Variants in PIP4K2A observed in about 807,000 individuals in gnomAD.
PIP4K2A encodes phosphatidylinositol 5-phosphate 4-kinase type-2 alpha.
Under a neutral mutation model 42.9 loss-of-function variants are expected in PIP4K2A, and 14 were observed. That is an observed-to-expected ratio of 0.33 (90% confidence interval 0.22 to 0.51). The LOEUF is 0.51. Among genes scored for constraint, PIP4K2A ranks in the 20% least tolerant of loss-of-function variants. The probability of loss-of-function intolerance (pLI) is 0.97; values close to 1 mark genes in which losing one functional copy is unlikely to be tolerated. For missense variants in PIP4K2A, 434 were observed against 519.8 expected (o/e 0.83, Z 1.61); for synonymous variants, 192 against 192.2 (o/e 1.00, Z 0.01).
At chr10:22,622,432 G>A (rs531601327) in intron 1 of PIP4K2A, among the ~76,000 whole-genome samples, 5 of 152,344 alleles carry the variant, frequency 3.3e-5, no homozygotes, top group African/African-American at 7.2e-5. Flanking sequence ...TGGGCTGGGC[G>A]TCACGGAGCA....
chr10:22,596,636 T>A (rs2130829299), intron 3 of PIP4K2A, among the ~76,000 whole-genome samples: 1 of 152,356 alleles, frequency 6.6e-6, no homozygotes, highest in African/African-American at 2.4e-5. Flanking sequence ...GGGAGGCCCT[T>A]GATGGAAACA....
chr10:22,587,431 C>T (rs1056914900), intron 4 of PIP4K2A, among the ~76,000 whole-genome samples: 5 of 152,176 alleles, frequency 3.3e-5, no homozygotes, highest in African/African-American at 1.2e-4. Flanking sequence ...CAAGAAGAAA[C>T]AGAAGAAATG....
chr10:22,641,490 G>A (rs1230882150), intron 1 of PIP4K2A, among the ~76,000 whole-genome samples: 1 of 151,664 alleles, frequency 6.6e-6, no homozygotes, highest in African/African-American at 2.4e-5. Context: ...CACCCAGGCT[G>A]GAGTGCAGTG....
chr10:22,637,948 T>C (rs1225887627), intron 1 of PIP4K2A, among the ~76,000 whole-genome samples: 1 of 152,150 alleles, frequency 6.6e-6, no homozygotes, highest in Non-Finnish European at 1.5e-5. Context: ...ATGAAGACAG[T>C]TCTGTAATGG....
At chr10:22,705,642 C>T (rs1025768199) in intron 1 of PIP4K2A, among the ~76,000 whole-genome samples, 7 of 151,718 alleles carry the variant, frequency 4.6e-5, no homozygotes, top group African/African-American at 1.2e-4. Flanking sequence ...AATATGCTGA[C>T]GATCAACATG....
At chr10:22,550,254 C>G (rs1004738801) in intron 7 of PIP4K2A, among the ~76,000 whole-genome samples, 13 of 152,194 alleles carry the variant, frequency 8.5e-5, no homozygotes, top group Non-Finnish European at 1.5e-5. Flanking sequence ...GGGAAAAGTG[C>G]CAAGACTGTA....
chr10:22,575,649 T>C (rs1322177609), intron 4 of PIP4K2A, among the ~76,000 whole-genome samples: 1 of 152,148 alleles, frequency 6.6e-6, no homozygotes, highest in Non-Finnish European at 1.5e-5. Flanking sequence ...AGATCAAATC[T>C]GTCTACTTTG....
intron 1 of PIP4K2A, among the ~76,000 whole-genome samples, chr10:22,617,324 C>T (rs776879328): frequency 1.6e-4 from 24 of 152,212 alleles, no homozygotes; most frequent in South Asian, 6.2e-4. Context: ...CAGCTGGTAA[C>T]GGTTCTGAAA....
At chr10:22,558,737 T>A (rs575299690) in intron 6 of PIP4K2A, among the ~76,000 whole-genome samples, 1 of 152,302 alleles carries the variant, frequency 6.6e-6, no homozygotes, top group African/African-American at 2.4e-5. Flanking sequence ...GATGTGAACA[T>A]CTTATAATTT....
intron 4 of PIP4K2A, among the ~76,000 whole-genome samples, chr10:22,586,697 A>G (rs1364339815): frequency 1.3e-5 from 2 of 151,918 alleles, no homozygotes; most frequent in African/African-American, 2.4e-5. Context: ...TGCCTGGCTA[A>G]TTTTTGTATT....
At chr10:22,666,286 T>C (rs2130848499) in intron 1 of PIP4K2A, among the ~76,000 whole-genome samples, 1 of 152,342 alleles carries the variant, frequency 6.6e-6, no homozygotes, top group South Asian at 2.1e-4. Context: ...TACAATGCCT[T>C]TAAAGTATAT....
At chr10:22,710,255 CG>C (rs1275545790) in intron 1 of PIP4K2A, among the ~76,000 whole-genome samples, 2 of 152,176 alleles carry the variant, frequency 1.3e-5, no homozygotes, top group African/African-American at 4.8e-5. Flanking sequence ...TAAAGACCCA[CG>C]GATGTCCAGA....
chr10:22,689,825 T>C (rs926143035), intron 1 of PIP4K2A, among the ~76,000 whole-genome samples: 4 of 152,234 alleles, frequency 2.6e-5, no homozygotes, highest in African/African-American at 9.6e-5. Flanking sequence ...CTGATGGTTG[T>C]TGCCACAACA....
chr10:22,690,637 T>G (rs1206740899), intron 1 of PIP4K2A, among the ~76,000 whole-genome samples: 11 of 152,144 alleles, frequency 7.2e-5, no homozygotes, highest in Non-Finnish European at 1.3e-4. Context: ...ACCCTAAGAT[T>G]CAATGAGTGC....
At chr10:22,590,475 T>C (rs1837485972) in intron 4 of PIP4K2A, among the ~76,000 whole-genome samples, 1 of 152,232 alleles carries the variant, frequency 6.6e-6, no homozygotes, top group Non-Finnish European at 1.5e-5. Context: ...TGACAGACAC[T>C]GTGCTAAGCA....
chr10:22,698,198 C>G (rs978092736), intron 1 of PIP4K2A, among the ~76,000 whole-genome samples: 2 of 152,156 alleles, frequency 1.3e-5, no homozygotes, highest in African/African-American at 4.8e-5. Context: ...CATGTGCGTA[C>G]ATCTTTGGTC....
chr10:22,567,661 C>A, intron 6 of PIP4K2A, 190 bp downstream of exon 6: 1 of 748,454 alleles, frequency 1.3e-6, no homozygotes, highest in Non-Finnish European at 2.5e-6. Flanking sequence ...CACTATTCAA[C>A]AATTTGATGA....
At chr10:22,631,594 A>C (rs1188327049) in intron 1 of PIP4K2A, among the ~76,000 whole-genome samples, 1 of 152,224 alleles carries the variant, frequency 6.6e-6, no homozygotes, top group Non-Finnish European at 1.5e-5. Context: ...GGGTCTAAGC[A>C]GACTAATACA....
chr10:22,607,733 G>A (rs1440882710), intron 3 of PIP4K2A, 194 bp downstream of exon 3: 18 of 393,148 alleles, frequency 4.6e-5, no homozygotes, highest in South Asian at 1.7e-4. Context: ...CTTTTATACC[G>A]GTATCATATG....
Sources: gnomAD v4.1 joint callset for allele counts (sites outside exome capture counted in the v4.1 genomes callset) on GRCh38, gnomAD v4.1.1 for gene constraint, MANE v1.5 for transcripts, NCBI Gene and HGNC (gene_info 2026-07-23, HGNC 2026-07-21) for gene names.